The following DLG5 variants were observed in gnomAD, a reference collection of about 807,000 sequenced individuals.
The protein encoded by DLG5 is discs large MAGUK scaffold protein 5.
A neutral mutation model predicts 189.8 loss-of-function variants in DLG5; 48 were observed. The observed-to-expected ratio is 0.25, with a 90% confidence interval of 0.20 to 0.32. The LOEUF is 0.32. Among genes scored for constraint, DLG5 ranks in the 10% least tolerant of loss-of-function variants. DLG5 has a pLI of 1.00. For missense variants in DLG5, 2,160 were observed against 2,544.7 expected (o/e 0.85, Z 3.25); for synonymous variants, 1,016 against 1,054.1 (o/e 0.96, Z 0.70).
intron 7 of DLG5, among the ~76,000 whole-genome samples, chr10:77,840,385 T>A (rs750059356): frequency 4.0e-5 from 6 of 150,280 alleles, no homozygotes; most frequent in Non-Finnish European, 8.9e-5. Context: ...AATAAAAAAA[T>A]AAAAAATAAA....
rs1219641202 is a variant in DLG5 at position 77,791,565 on chromosome 10, G to A, written c.*875C>T. 6.6e-6 allele frequency: 1 copy of A among 152,190 alleles called. No individual in the cohort carries two copies. The highest frequency in any genetic ancestry group is 6.5e-5 in the Admixed American group (1 of 15,278). 9.4% of individuals were successfully genotyped at this position (152,190 alleles called of 1,614,324 possible). ...ACCTGCCACCCTCTAAAAAGTTTAA[G>A]AATTACCCTGCAAACATTGCACTGA... On this transcript the variant is annotated 3_prime_UTR_variant, in exon 32 of 32. Transcript: ENST00000372391.
At chr10:77,939,732 C>T in the DLG5 span, among the ~76,000 whole-genome samples, 2 of 152,198 alleles carry the variant, frequency 1.3e-5, no homozygotes, top group African/African-American at 4.8e-5. Flanking sequence ...CACTTTCCAG[C>T]TGGGAGCCAT....
chr10:77,803,454 A>T (rs1841317575), intron 27 of DLG5, among the ~76,000 whole-genome samples: 1 of 152,264 alleles, frequency 6.6e-6, no homozygotes, highest in Admixed American at 6.5e-5. Context: ...ATTTAAATAT[A>T]AAGTGACAGA....
Position 77,816,578 on chromosome 10 carries a change from G to T in DLG5, c.3998C>A (p.Ala1333Glu), listed in dbSNP as rs920117413. The change falls in exon 20 of 32, where the codon GCG becomes GAG. Residue 1333 changes from alanine (A) to glutamate (E), a missense_variant. Around this residue, in one of 5 missense-constraint regions of DLG5, gnomAD observed 754 missense variants for 746.5 expected, o/e 1.01. Transcript: ENST00000372391. ...GTCCTTTCTCCGCTCCCCGAGGGAC[G>T]CGGGGTTGACAGCGATTCTGGGCAA... ...STLPRIAVNP[A>E]SLGERRKDRP... is the part of the protein sequence containing the mutation. 1 of 1,614,144 alleles carries T rather than the reference G, an allele frequency of 6.2e-7. No homozygotes were observed. Among genetic ancestry groups the T allele is most frequent in the South Asian group, 1.1e-5 (1 of 91,076 alleles).
At chr10:77,798,889 A>G (rs1008591535) in intron 27 of DLG5, among the ~76,000 whole-genome samples, 2 of 152,222 alleles carry the variant, frequency 1.3e-5, no homozygotes, top group African/African-American at 4.8e-5. Context: ...AGATGCTAAC[A>G]ATATGATAGT....
chr10:77,927,258 G>A (rs1846731853), upstream of DLG5: 1 of 152,952 alleles, frequency 6.5e-6, no homozygotes, highest in Non-Finnish European at 1.5e-5. Flanking sequence ...AGGCGCAGCC[G>A]GGGGTGGGGG....
upstream of DLG5, chr10:77,927,335 C>T: frequency 6.5e-6 from 1 of 152,732 alleles, no homozygotes. Flanking sequence ...ACAAATCTTG[C>T]CCCCAGTCCA....
At chr10:77,793,258 G>T (rs1252813286) in intron 31 of DLG5, 1 of 151,124 alleles carries the variant, frequency 6.6e-6, no homozygotes, top group African/African-American at 2.5e-5. Flanking sequence ...GGAAATGAAA[G>T]TTCACACACA....
At chr10:77,873,207 T>C (rs757998874) in intron 1 of DLG5, among the ~76,000 whole-genome samples, 6 of 152,082 alleles carry the variant, frequency 3.9e-5, no homozygotes, top group Admixed American at 3.9e-4. Flanking sequence ...CAGAGCGTGA[T>C]ATAAGGAGAT....
intron 1 of DLG5, among the ~76,000 whole-genome samples, chr10:77,888,078 C>T (rs140831530): frequency 2.0e-5 from 3 of 152,312 alleles, no homozygotes; most frequent in South Asian, 2.1e-4. Flanking sequence ...TGCAAACATG[C>T]GTTTTCCTCG....
chr10:77,873,439 C>T (rs1025068379), intron 1 of DLG5, among the ~76,000 whole-genome samples: 1 of 152,146 alleles, frequency 6.6e-6, no homozygotes, highest in African/African-American at 2.4e-5. Context: ...CCCTCTGGGA[C>T]TGGCCCACGG....
chr10:77,924,578 C>T (rs921604724), intron 1 of DLG5, among the ~76,000 whole-genome samples: 1 of 152,184 alleles, frequency 6.6e-6, no homozygotes, highest in Non-Finnish European at 1.5e-5. Context: ...TAGATAGATA[C>T]ATAGATACAA....
chr10:77,796,324 G>T lies in DLG5; in HGVS notation c.5308+127C>A. 6.3e-7 allele frequency: 1 copy of T among 1,582,690 alleles called. No homozygotes were observed. The highest frequency in any genetic ancestry group is 8.6e-7 in the Non-Finnish European group (1 of 1,159,808). On this transcript the variant is annotated intron_variant, in intron 28 of 31. Coordinates refer to ENST00000372391, the MANE Select transcript of DLG5 (RefSeq NM_004747.4). This position sits in a 1 kb window ranked among gnomAD's most constrained non-coding sequence, Gnocchi z 5.2. ...GCATGAATCTGACCCATGTCAGCAG[G>T]CTTCTGGAACACTGTGAAATCTGCC...
In DLG5 at chr10:77,835,882, T is replaced by C. The variant is rs1199761660; in HGVS notation, c.1478A>G (p.Lys493Arg). The C allele has an allele frequency of 1.2e-6, 2 of 1,613,710 alleles. No homozygotes were observed. The highest frequency in any genetic ancestry group is 1.7e-6 in the Non-Finnish European group (2 of 1,179,804). Reference sequence around the variant, plus strand: ...CTGCTTTCGAAGGATTTCAACCTCCTTGTTGGCTCTCCCAGCATCCATTGT... The same window carrying C: ...CTGCTTTCGAAGGATTTCAACCTCCCTGTTGGCTCTCCCAGCATCCATTGT... Reference protein sequence around the residue: ...TVTMDAGRANKEVEILRKQCK... With the variant: ...TVTMDAGRANREVEILRKQCK... The change falls in exon 8 of 32, where the codon AAG (lysine) becomes AGG (arginine). Residue 493 changes from lysine to arginine, a missense_variant. By Grantham distance (26) the Lys-to-Arg change is conservative (BLOSUM62 2). This residue lies in a region of DLG5 where 664 missense variants were observed against 838.5 expected (regional missense o/e 0.79). Transcript: ENST00000372391.
At chr10:77,889,945 TC>T (rs1391479865) in intron 1 of DLG5, among the ~76,000 whole-genome samples, 2 of 151,676 alleles carry the variant, frequency 1.3e-5, no homozygotes, top group African/African-American at 4.9e-5. Context: ...GTGCAGAAGA[TC>T]CCAAAGCCAA....
intron 1 of DLG5, among the ~76,000 whole-genome samples, chr10:77,923,610 T>C (rs1303476902): frequency 6.6e-6 from 1 of 152,168 alleles, no homozygotes; most frequent in East Asian, 1.9e-4. Flanking sequence ...TATACAAAAA[T>C]TAGCTGGTGT....
At chr10:77,925,707 A>C (rs1301285314) in intron 1 of DLG5, among the ~76,000 whole-genome samples, 4 of 152,166 alleles carry the variant, frequency 2.6e-5, no homozygotes, top group African/African-American at 9.7e-5. Flanking sequence ...AGTCTGGGAG[A>C]GACTGGGCTC....
chr10:77,835,334 A>T (rs1454509212), intron 8 of DLG5, among the ~76,000 whole-genome samples: 3 of 152,112 alleles, frequency 2.0e-5, no homozygotes, highest in African/African-American at 4.8e-5. Flanking sequence ...GCCGTGCCTG[A>T]CCAAGCCTCT....
At chr10:77,873,838 CT>C (rs1320063902) in intron 1 of DLG5, among the ~76,000 whole-genome samples, 3 of 152,206 alleles carry the variant, frequency 2.0e-5, no homozygotes, top group Non-Finnish European at 2.9e-5. Context: ...CCAGCACCCC[CT>C]ACCTCAATCC....
Sources: allele counts gnomAD v4.1 joint callset (sites outside exome capture counted in the v4.1 genomes callset), GRCh38; gene constraint gnomAD v4.1.1; regional missense constraint gnomAD v4.1.1; non-coding constraint Gnocchi (gnomAD v3.1); transcripts MANE v1.5; gene names NCBI Gene and HGNC (gene_info 2026-07-23, HGNC 2026-07-21).